Variants in FGF18 observed in about 807,000 individuals in gnomAD.
FGF18 encodes fibroblast growth factor 18.
FGF18 carries 5 observed loss-of-function variants against 23.0 expected under a neutral mutation model. That is an observed-to-expected ratio of 0.22 (90% confidence interval 0.11 to 0.46). The LOEUF (loss-of-function observed/expected upper bound fraction) is 0.46. Among genes scored for constraint, FGF18 ranks in the 20% least tolerant of loss-of-function variants. FGF18 has a pLI of 0.99. For missense variants in FGF18, 180 were observed against 291.6 expected, an observed-to-expected ratio of 0.62 and a Z score of 2.79; for synonymous variants, 117 against 118.9, an observed-to-expected ratio of 0.98 and a Z score of 0.10.
intron 3 of FGF18, among the ~76,000 whole-genome samples, chr5:171,441,559 T>C (rs2113350896): frequency 6.6e-6 from 1 of 152,332 alleles, no homozygotes; most frequent in Non-Finnish European, 1.5e-5. Context: ...TTCTGTACGA[T>C]TGTCTCCTTA....
intron 2 of FGF18, among the ~76,000 whole-genome samples, chr5:171,433,013 G>A (rs80011133): frequency 0.014 from 2,177 of 152,320 alleles, 26 homozygotes; most frequent in Middle Eastern, 0.061. Context: ...CTTCGGGGTA[G>A]GACGTGTCAC....
intron 2 of FGF18, among the ~76,000 whole-genome samples, chr5:171,421,859 A>G (rs1449686098): frequency 1.7e-5 from 2 of 120,204 alleles, no homozygotes; most frequent in Admixed American, 1.1e-4. Context: ...GCCAAAGCAG[A>G]TGTGACCTGT....
chr5:171,453,778 C>T (rs912047647), intron 4 of FGF18, among the ~76,000 whole-genome samples: 1 of 152,038 alleles, frequency 6.6e-6, no homozygotes, highest in Admixed American at 6.6e-5. Context: ...ATTTCTAGGG[C>T]TCAGCTTGCT....
chr5:171,439,453 C>T (rs1260041983), intron 3 of FGF18, among the ~76,000 whole-genome samples: 3 of 152,302 alleles, frequency 2.0e-5, no homozygotes, highest in East Asian at 1.9e-4. Context: ...GGGAGGGGCA[C>T]CCTGCCCACC....
intron 2 of FGF18, among the ~76,000 whole-genome samples, chr5:171,424,780 AG>A (rs1488905598): frequency 9.1e-6 from 1 of 110,412 alleles, no homozygotes; most frequent in African/African-American, 3.6e-5. Flanking sequence ...CCAGAGTTAG[AG>A]GGGGGTACTT....
intron 4 of FGF18, among the ~76,000 whole-genome samples, chr5:171,452,758 G>A (rs1772535050): frequency 6.6e-6 from 1 of 152,170 alleles, no homozygotes; most frequent in Admixed American, 6.5e-5. Context: ...TCAGGGCAGG[G>A]GAGTGCTCTG....
chr5:171,422,029 A>G (rs899143197), intron 2 of FGF18, among the ~76,000 whole-genome samples: 1 of 152,080 alleles, frequency 6.6e-6, no homozygotes, highest in African/African-American at 2.4e-5. Context: ...GCTCTTTTCC[A>G]GAGTGCTGTG....
intron 3 of FGF18, among the ~76,000 whole-genome samples, chr5:171,438,250 C>T (rs563521527): frequency 6.6e-6 from 1 of 151,960 alleles, no homozygotes. Context: ...TACAGGCGCC[C>T]ACCACCACGC....
intron 3 of FGF18, among the ~76,000 whole-genome samples, chr5:171,446,393 C>T (rs1772420030): frequency 1.3e-5 from 2 of 152,168 alleles, no homozygotes; most frequent in Admixed American, 1.3e-4. Flanking sequence ...GAGCCCAGGC[C>T]CCAGTAGAAA....
chr5:171,436,145 C>T lies in FGF18; in HGVS notation c.122C>T (p.Thr41Met). Residue 41 changes from threonine (T) to methionine (M), a missense_variant, in exon 3 of 5, where the codon ACG (threonine) becomes ATG (methionine). This residue lies in a region of FGF18 where 57 missense variants were observed against 59.8 expected (regional missense o/e 0.95). Transcript: ENST00000274625. This position sits in a 1 kb window ranked among gnomAD's most constrained non-coding sequence, Gnocchi z 4.4. ...TTCCGCATCCACGTGGAGAACCAGACGCGGGCTCGGGACGATGTGAGCCGT... is the reference window on the plus strand; with the variant it reads ...TTCCGCATCCACGTGGAGAACCAGATGCGGGCTCGGGACGATGTGAGCCGT... ...VDFRIHVENQTRARDDVSRKQ... is the reference protein window; with the variant it reads ...VDFRIHVENQMRARDDVSRKQ... The T allele has an allele frequency of 6.3e-7, 1 of 1,591,218 alleles. No homozygotes were observed. The highest frequency in any genetic ancestry group is 8.6e-7 in the Non-Finnish European group (1 of 1,166,142).
rs1772596374 is a variant in FGF18, at chr5:171,457,091, G to C, written c.*286G>C. ...AGACAACTCTAAACTCGTCCCCAGA[G>C]GAGGACTTGAATGAGGAAACCAACA... is the stretch of plus-strand genomic sequence containing the variant. On this transcript the variant is annotated 3_prime_UTR_variant, in exon 5 of 5. Coordinates refer to ENST00000274625, the MANE Select transcript of FGF18 (RefSeq NM_003862.3). 6.4e-6 allele frequency: 2 copies of C among 314,908 alleles called. No individual in the cohort carries two copies. The highest frequency in any genetic ancestry group is 5.7e-6 in the Non-Finnish European group (1 of 174,054). 19.5% of individuals were successfully genotyped at this position (314,908 alleles called of 1,614,324 possible). A position where few individuals can be genotyped will look rare whatever the true frequency, so the allele number is the denominator to read the frequency against.
At chr5:171,423,512 T>TG (rs928716915) in intron 2 of FGF18, among the ~76,000 whole-genome samples, 8 of 150,542 alleles carry the variant, frequency 5.3e-5, no homozygotes, top group South Asian at 4.2e-4. Flanking sequence ...CTCGGCGGGG[T>TG]GGGGGGGCAT....
rs1477669390 is a variant in FGF18 at position 171,457,290 on chromosome 5, G to A, written c.*485G>A. On this transcript the variant is annotated 3_prime_UTR_variant, in exon 5 of 5. Coordinates refer to ENST00000274625, the MANE Select transcript of FGF18 (RefSeq NM_003862.3). ...AACAAAAATCGCTCTCTGGTTTGCA[G>A]TCATTTATTTATTGTCCGCTGCAAG... 3 of 155,252 alleles carry A rather than the reference G, an allele frequency of 1.9e-5. No homozygotes were observed. The highest frequency in any genetic ancestry group is 4.3e-5 in the Non-Finnish European group (3 of 70,074). 9.6% of individuals were successfully genotyped at this position (155,252 alleles called of 1,614,324 possible). A position where few individuals can be genotyped will look rare whatever the true frequency, so the allele number is the denominator to read the frequency against.
intron 2 of FGF18, among the ~76,000 whole-genome samples, chr5:171,432,791 G>T (rs958231081): frequency 6.6e-6 from 1 of 152,212 alleles, no homozygotes; most frequent in African/African-American, 2.4e-5. Flanking sequence ...CCCTCTGTGG[G>T]GCACTCTGGT....
At chr5:171,431,584 A>G (rs769019648) in intron 2 of FGF18, among the ~76,000 whole-genome samples, 1 of 152,104 alleles carries the variant, frequency 6.6e-6, no homozygotes, top group Non-Finnish European at 1.5e-5. Flanking sequence ...CAGGGGAAGC[A>G]GGGGCTGGGG....
In FGF18 at chr5:171,436,557, A is replaced by G. The variant is rs972949135; in HGVS notation, c.250+284A>G. Among the ~76,000 whole-genome samples the G allele has an allele frequency of 6.6e-6, 1 of 152,188 alleles. No homozygotes were observed. The highest frequency in any genetic ancestry group is 2.4e-5 in the African/African-American group (1 of 41,438). On this transcript the variant is annotated intron_variant, in intron 3 of 4. Coordinates refer to ENST00000274625, the MANE Select transcript of FGF18 (RefSeq NM_003862.3). The surrounding 1 kb of genome is among the most constrained non-coding windows in gnomAD (Gnocchi z 4.4). ...CTGTGGTATCAGTGGCTTGCCTGGGATGGCCTAAAGCAGGTGGCTGTTCCC... is the reference window on the plus strand; with the variant it reads ...CTGTGGTATCAGTGGCTTGCCTGGGGTGGCCTAAAGCAGGTGGCTGTTCCC...
chr5:171,426,559 T>G (rs1772091956), intron 2 of FGF18, among the ~76,000 whole-genome samples: 1 of 152,206 alleles, frequency 6.6e-6, no homozygotes, highest in Non-Finnish European at 1.5e-5. Flanking sequence ...AGCAGTGTGT[T>G]TGCTCTGACG....
At chr5:171,431,588 G>A (rs1772182417) in intron 2 of FGF18, among the ~76,000 whole-genome samples, 1 of 152,140 alleles carries the variant, frequency 6.6e-6, no homozygotes, top group African/African-American at 2.4e-5. Context: ...GGAAGCAGGG[G>A]CTGGGGACAG....
chr5:171,449,115 A>T, intron 3 of FGF18, 32 bp from the exon 4 acceptor site: 7 of 1,518,456 alleles, frequency 4.6e-6, no homozygotes, highest in Non-Finnish European at 6.4e-6. Flanking sequence ...CTGGTAATAA[A>T]ATGTGTCTTG....
Sources: gnomAD v4.1 joint callset for allele counts (sites outside exome capture counted in the v4.1 genomes callset) on GRCh38, gnomAD v4.1.1 for gene constraint, gnomAD v4.1.1 regional missense constraint, Gnocchi (gnomAD v3.1) non-coding constraint, MANE v1.5 for transcripts, NCBI Gene and HGNC (gene_info 2026-07-23, HGNC 2026-07-21) for gene names.